JMY: variants seen among roughly 807,000 people sequenced by gnomAD.
The protein encoded by JMY is junction mediating and regulatory protein, p53 cofactor.
In JMY, 46 loss-of-function variants were observed where a neutral mutation model predicts 103.3. The observed-to-expected ratio is 0.45, with a 90% CI of 0.35 to 0.57. The LOEUF (loss-of-function observed/expected upper bound fraction) is 0.57, where lower values mean the gene tolerates loss of function less well. Among genes scored for constraint, JMY ranks in the 20% least tolerant of loss-of-function variants. The pLI, the probability that JMY is intolerant of heterozygous loss-of-function variation, is 0.00. For synonymous variants in JMY, 526 were observed against 489.3 expected (o/e 1.07, Z -0.99); for missense variants, 1,238 against 1,255.2 (o/e 0.99, Z 0.21).
intron 2 of JMY, among the ~76,000 whole-genome samples, chr5:79,287,154 C>A (rs189128415): frequency 1.6e-4 from 24 of 152,204 alleles, no homozygotes; most frequent in African/African-American, 5.3e-4. Flanking sequence ...AAATTAGATT[C>A]CGTTACTGCT....
chr5:79,300,174 A>G lies in JMY; in HGVS notation c.1549A>G (p.Thr517Ala), dbSNP rs1207668710. 1.2e-6 allele frequency: 2 copies of G among 1,613,310 alleles called. No homozygotes were observed. Among genetic ancestry groups the G allele is most frequent in the South Asian group, 1.1e-5 (1 of 91,006 alleles). ...KEEMQSLRGG[T>A]EAIARLDQLE... is the part of the protein sequence containing the mutation. The stretch of plus-strand genomic sequence containing the variant: ...GCAGATGCAGAGTTTGCGGGGTGGT[A>G]CAGAAGCGATAGCACGATTGGATCA... The change falls in exon 5 of 11, where the codon ACA (threonine) becomes GCA (alanine). Residue 517 changes from threonine (T) to alanine (A), a missense_variant. By Grantham distance (58) the Thr-to-Ala change is moderately conservative. Transcript: ENST00000396137.
chr5:79,267,355 CCCATCTGTTGATTGGAGTGCT>C lies in JMY; in HGVS notation c.1033-10545_1033-10525del, dbSNP rs1376813286. ...TAACTGCTCTGAAAATCCCCTGGGCCCCATCTGTTGATTGGAGTGCTCCATCTGTTCATTGGAGTGCTCCAT... is the reference window on the plus strand; with the variant it reads ...TAACTGCTCTGAAAATCCCCTGGGCCCCATCTGTTCATTGGAGTGCTCCAT... On this transcript the variant is annotated intron_variant, in intron 1 of 10. Transcript: ENST00000396137. Among the ~76,000 whole-genome samples the C allele has an allele frequency of 6.6e-4, 101 of 152,212 alleles. 1 individual carries two copies. In the Middle Eastern group the frequency reaches 0.02, roughly 31 times the overall value.
intron 1 of JMY, among the ~76,000 whole-genome samples, chr5:79,250,242 A>G (rs1561289294): frequency 3.3e-5 from 5 of 152,208 alleles, no homozygotes. Flanking sequence ...AGAAAAATCT[A>G]ACGGGTTGAT....
chr5:79,293,446 CAG>C (rs1278339986), intron 4 of JMY, among the ~76,000 whole-genome samples: 13 of 150,388 alleles, frequency 8.6e-5, no homozygotes, highest in Admixed American at 7.3e-4. Flanking sequence ...AAAATAGAGA[CAG>C]AGTCTTGCTG....
intron 1 of JMY, among the ~76,000 whole-genome samples, chr5:79,247,333 C>T (rs1190210808): frequency 6.6e-6 from 1 of 152,056 alleles, no homozygotes; most frequent in African/African-American, 2.4e-5. Context: ...GATGGAGTCT[C>T]ACTCTGTCAC....
chr5:79,267,410 G>T (rs1462478052), intron 1 of JMY, among the ~76,000 whole-genome samples: 1 of 152,082 alleles, frequency 6.6e-6, no homozygotes, highest in Non-Finnish European at 1.5e-5. Context: ...ATCTCTCCTA[G>T]CCTCTGGCAA....
chr5:79,272,131 A>T (rs1745802326), intron 1 of JMY, among the ~76,000 whole-genome samples: 3 of 144,912 alleles, frequency 2.1e-5, no homozygotes, highest in South Asian at 2.2e-4. Context: ...AAAAAAAAAG[A>T]AGTTCTGCAT....
rs540824466 is a variant in JMY, at chr5:79,270,755, A to G, written c.1033-7155A>G. 3.6e-4 allele frequency among the ~76,000 whole-genome samples: 54 copies of G among 148,836 alleles called. 1 individual carries two copies. The East Asian group carries it at 0.01, about 28-fold the overall frequency. On this transcript the variant is annotated intron_variant, in intron 1 of 10. Coordinates refer to ENST00000396137, the MANE Select transcript of JMY (RefSeq NM_152405.5). ...ACACCATAAATACTTTCTCACCATT[A>G]AATATGTTAGCTCAAGGTTTTTTTT...
chr5:79,289,230 G>A (rs1255414229), intron 2 of JMY, among the ~76,000 whole-genome samples: 6 of 128,124 alleles, frequency 4.7e-5, no homozygotes, highest in Admixed American at 1.7e-4. Flanking sequence ...GCGAGACGCC[G>A]TCTCAAAAAA....
intron 1 of JMY, among the ~76,000 whole-genome samples, chr5:79,270,398 A>C (rs888461181): frequency 3.3e-5 from 4 of 119,960 alleles, no homozygotes; most frequent in African/African-American, 1.3e-4. Context: ...TAAAATATAT[A>C]TTTACATAAA....
chr5:79,278,162 A>T, intron 2 of JMY, 79 bp downstream of exon 2: 2 of 981,510 alleles, frequency 2.0e-6, no homozygotes, highest in Non-Finnish European at 2.8e-6. Flanking sequence ...TATCCACAAG[A>T]GGAACTTTAA....
intron 10 of JMY, among the ~76,000 whole-genome samples, chr5:79,319,766 G>C (rs905574495): frequency 7.9e-5 from 12 of 151,998 alleles, no homozygotes; most frequent in African/African-American, 2.9e-4. Context: ...TTTTTGTAGA[G>C]ATGGGGTTTC....
chr5:79,325,328 T>C lies in JMY; in HGVS notation c.*3726T>C, dbSNP rs1747600358. Reference sequence around the variant, plus strand: ...GGTCCTTAAGGGCTCTATCAGGGAGTTGAAATTTCATACGCTTTACCAGGT... The same window carrying C: ...GGTCCTTAAGGGCTCTATCAGGGAGCTGAAATTTCATACGCTTTACCAGGT... On this transcript the variant is annotated 3_prime_UTR_variant, in exon 11 of 11. Coordinates refer to ENST00000396137, the MANE Select transcript of JMY (RefSeq NM_152405.5). 6.6e-6 allele frequency: 1 copy of C among 151,618 alleles called. No homozygotes were observed. The highest frequency in any genetic ancestry group is 2.4e-5 in the African/African-American group (1 of 41,276). The allele number at this position is 151,618 out of a possible 1,614,324, so 9.4% of individuals were successfully genotyped here.
intron 8 of JMY, among the ~76,000 whole-genome samples, chr5:79,314,015 C>T (rs1281673334): frequency 6.6e-6 from 1 of 152,194 alleles, no homozygotes; most frequent in African/African-American, 2.4e-5. Flanking sequence ...CCTGCCACCA[C>T]ACCCAGCTAA....
At chr5:79,285,051 T>C (rs1032122729) in intron 2 of JMY, 19 of 609,138 alleles carry the variant, frequency 3.1e-5, no homozygotes, top group African/African-American at 2.2e-4. Context: ...ACTCATCATC[T>C]TGATCAACCA....
intron 2 of JMY, chr5:79,284,265 G>A: frequency 1.3e-6 from 2 of 1,499,184 alleles, no homozygotes; most frequent in Non-Finnish European, 1.8e-6. Context: ...TTCAAACTTG[G>A]GCTTCTTCAG....
At chr5:79,299,714 G>A (rs6892998) in intron 4 of JMY, among the ~76,000 whole-genome samples, 2,711 of 152,232 alleles carry the variant, frequency 0.018, 108 homozygotes, top group African/African-American at 0.061. Flanking sequence ...TGTGACCATG[G>A]AGCAAAGCAA....
intron 4 of JMY, among the ~76,000 whole-genome samples, chr5:79,298,873 T>C (rs1170627861): frequency 6.6e-6 from 1 of 152,152 alleles, no homozygotes; most frequent in East Asian, 1.9e-4. Flanking sequence ...AAGCAAAAGC[T>C]GGAATTTTCT....
At chr5:79,266,072 G>A (rs1745580611) in intron 1 of JMY, among the ~76,000 whole-genome samples, 1 of 152,058 alleles carries the variant, frequency 6.6e-6, no homozygotes, top group Non-Finnish European at 1.5e-5. Flanking sequence ...GTGAGCCACC[G>A]TGCCTGGCCA....
Sources: gnomAD v4.1 joint callset for allele counts (sites outside exome capture counted in the v4.1 genomes callset) on GRCh38, gnomAD v4.1.1 for gene constraint, MANE v1.5 for transcripts, NCBI Gene and HGNC (gene_info 2026-07-23, HGNC 2026-07-21) for gene names.